PTPRS: variants seen among roughly 807,000 people sequenced by gnomAD.
PTPRS encodes the protein receptor-type tyrosine-protein phosphatase S.
In PTPRS, 63 loss-of-function variants were observed where a neutral mutation model predicts 215.3. The ratio of observed to expected loss-of-function variants is 0.29; its 90% confidence interval spans 0.24 to 0.36. PTPRS has a LOEUF of 0.36. PTPRS is among the 10% of genes least tolerant of loss of function. The pLI, the probability that PTPRS is intolerant of heterozygous loss-of-function variation, is 1.00. For missense variants in PTPRS, 2,258 were observed against 2,825.8 expected (o/e 0.80, Z 4.56); for synonymous variants, 1,404 against 1,191.4 (o/e 1.18, Z -3.68).
intron 1 of PTPRS, among the ~76,000 whole-genome samples, chr19:5,309,624 C>T (rs2049626559): frequency 6.6e-6 from 1 of 152,134 alleles, no homozygotes; most frequent in Non-Finnish European, 1.5e-5. Context: ...GCCTGCCTCT[C>T]TCACCATCTT....
At chr19:5,269,973 T>C (rs905610064) in intron 4 of PTPRS, among the ~76,000 whole-genome samples, 6 of 151,642 alleles carry the variant, frequency 4.0e-5, no homozygotes, top group Non-Finnish European at 7.4e-5. Context: ...GGCATTTTTT[T>C]CCCAGACTCC....
intron 2 of PTPRS, chr19:5,278,199 A>AAC: frequency 3.0e-6 from 1 of 329,558 alleles, no homozygotes; most frequent in Non-Finnish European, 5.8e-6. Flanking sequence ...AAAAAAAAAA[A>AAC]GGGAGTGGGG....
At chr19:5,229,790 C>T (rs1365075483) in intron 14 of PTPRS, 106 bp from the exon 15 acceptor site, 3 of 664,170 alleles carry the variant, frequency 4.5e-6, no homozygotes, top group Admixed American at 4.5e-5. Flanking sequence ...GAGTGGCTGC[C>T]GGTGAATAAC....
intron 2 of PTPRS, among the ~76,000 whole-genome samples, chr19:5,274,570 G>C (rs897938072): frequency 1.3e-5 from 2 of 151,668 alleles, no homozygotes; most frequent in African/African-American, 2.4e-5. Context: ...ACTTCCACCT[G>C]CAACAGCCAC....
chr19:5,208,474 A>G (rs2040568866), intron 35 of PTPRS, 83 bp from the exon 36 acceptor site: 3 of 1,303,122 alleles, frequency 2.3e-6, no homozygotes, highest in Admixed American at 2.9e-5. Context: ...CTTCACCCCC[A>G]TTTTTTGTTT....
chr19:5,240,391 C>A (rs2043930544), intron 11 of PTPRS, 59 bp from the exon 12 acceptor site: 2 of 1,477,188 alleles, frequency 1.4e-6, no homozygotes, highest in Non-Finnish European at 1.8e-6. Context: ...CAAAGGGGGC[C>A]CCACCTGCTG....
In PTPRS at chr19:5,270,157, C is replaced by T. The variant is rs544446973; in HGVS notation, c.379+3285G>A. Reference sequence around the variant, plus strand: ...GCGGGCCACGGTGGGCCTGACTCCGCCCCCGCTCCTTCCTCCATCCCCCAG... The same window carrying T: ...GCGGGCCACGGTGGGCCTGACTCCGTCCCCGCTCCTTCCTCCATCCCCCAG... On this transcript the variant is annotated intron_variant, in intron 4 of 37. Transcript: ENST00000262963. Among the ~76,000 whole-genome samples the T allele has an allele frequency of 3.2e-4, 48 of 152,216 alleles. No individual in the cohort carries two copies. The East Asian group carries it at 8.9e-3, about 28-fold the overall frequency.
Position 5,257,775 on chromosome 19 carries a change from TGCCCACGGG to T in PTPRS, c.706+233_706+241del, listed in dbSNP as rs1357428332. Among the ~76,000 whole-genome samples the T allele has an allele frequency of 1.3e-5, 2 of 152,196 alleles. No individual in the cohort carries two copies. The highest frequency in any genetic ancestry group is 2.4e-5 in the African/African-American group (1 of 41,454). ...CCATCACTGCCTCCCCAGAGCCTGCTGCCCACGGGGCATCTCTCGCAAGGCACGAGGAAG... is the reference window on the plus strand; with the variant it reads ...CCATCACTGCCTCCCCAGAGCCTGCTGCATCTCTCGCAAGGCACGAGGAAG... On this transcript the variant is annotated intron_variant, in intron 8 of 37. Coordinates refer to ENST00000262963, the MANE Select transcript of PTPRS (RefSeq NM_002850.4). The surrounding 1 kb of genome is among the most constrained non-coding windows in gnomAD (Gnocchi z 4.4).
chr19:5,243,290 G>A (rs1020783325), intron 11 of PTPRS, among the ~76,000 whole-genome samples: 2 of 148,052 alleles, frequency 1.4e-5, no homozygotes, highest in Non-Finnish European at 3.0e-5. Flanking sequence ...CGCCACCACG[G>A]CCGGCTATTT....
chr19:5,267,794 G>A (rs1043366252), intron 4 of PTPRS, among the ~76,000 whole-genome samples: 1 of 145,374 alleles, frequency 6.9e-6, no homozygotes, highest in Non-Finnish European at 1.5e-5. Context: ...CAAGAAATAG[G>A]CAGCTCCTCT....
chr19:5,236,281 G>A (rs1369481093), intron 13 of PTPRS, among the ~76,000 whole-genome samples: 1 of 152,250 alleles, frequency 6.6e-6, no homozygotes, highest in Admixed American at 6.5e-5. Flanking sequence ...TTTTACAGGT[G>A]AGGAAACTGA....
intron 7 of PTPRS, among the ~76,000 whole-genome samples, chr19:5,260,427 G>C (rs1234656380): frequency 6.6e-6 from 1 of 152,144 alleles, no homozygotes; most frequent in East Asian, 1.9e-4. Context: ...TGATTCACCT[G>C]CCTCGGCCTC....
chr19:5,274,457 G>T, intron 2 of PTPRS, 113 bp from the exon 3 acceptor site: 2 of 1,240,326 alleles, frequency 1.6e-6, no homozygotes, highest in Non-Finnish European at 2.2e-6. Flanking sequence ...AGTGCCATGT[G>T]GCCAATGAAG....
At chr19:5,271,778 G>A (rs1249619959) in intron 4 of PTPRS, among the ~76,000 whole-genome samples, 1 of 151,836 alleles carries the variant, frequency 6.6e-6, no homozygotes, top group African/African-American at 2.4e-5. Flanking sequence ...AGGCTGGAGT[G>A]CAATGGTGTG....
intron 1 of PTPRS, among the ~76,000 whole-genome samples, chr19:5,321,693 C>T (rs980197385): frequency 1.3e-5 from 2 of 152,176 alleles, no homozygotes; most frequent in African/African-American, 2.4e-5. Context: ...CTGAGATGTC[C>T]CCATTTTACA....
At chr19:5,297,160 C>G (rs1293117936) in intron 1 of PTPRS, among the ~76,000 whole-genome samples, 1 of 152,174 alleles carries the variant, frequency 6.6e-6, no homozygotes, top group Non-Finnish European at 1.5e-5. Context: ...ATTGATATGT[C>G]CTCTGTATAC....
intron 15 of PTPRS, 69 bp downstream of exon 15, chr19:5,229,422 G>A (rs367871190): frequency 0.02 from 26,646 of 1,363,302 alleles, 349 homozygotes; most frequent in South Asian, 0.024. Flanking sequence ...AGAAGCAGAG[G>A]TGGGGGGAGC....
In PTPRS at chr19:5,339,792, G is replaced by C. The variant is rs1395342409; in HGVS notation, c.-95+872C>G. Among the ~76,000 whole-genome samples, 2 of 151,670 alleles carry C rather than the reference G, an allele frequency of 1.3e-5. No individual in the cohort carries two copies. Among genetic ancestry groups the C allele is most frequent in the Admixed American group, 6.6e-5 (1 of 15,266 alleles). On this transcript the variant is annotated intron_variant, in intron 1 of 37. Transcript: ENST00000262963. The surrounding 1 kb of genome is among the most constrained non-coding windows in gnomAD (Gnocchi z 4.2). The stretch of plus-strand genomic sequence containing the variant: ...CAGCCCCCGGGGGCTCCCGGGGCGT[G>C]CGGAACCCGCGGGGCTGGCGGTTCC...
intron 1 of PTPRS, among the ~76,000 whole-genome samples, chr19:5,292,251 T>C (rs1422007667): frequency 6.6e-6 from 1 of 152,160 alleles, no homozygotes; most frequent in Non-Finnish European, 1.5e-5. Flanking sequence ...ATCCCTGGCG[T>C]CACCTGGGTT....
Sources: gnomAD v4.1 joint callset for allele counts (sites outside exome capture counted in the v4.1 genomes callset) on GRCh38, gnomAD v4.1.1 for gene constraint, Gnocchi (gnomAD v3.1) non-coding constraint, MANE v1.5 for transcripts, NCBI Gene and HGNC (gene_info 2026-07-23, HGNC 2026-07-21) for gene names.